The following LRRC51 variants were observed in gnomAD, a reference collection of about 807,000 sequenced individuals.
LRRC51 encodes leucine rich repeat containing 51, also known as leucine-rich repeat-containing protein 51.
Under a neutral mutation model 17.8 loss-of-function variants are expected in LRRC51, and 8 were observed. The observed-to-expected ratio is 0.45, with a 90% CI of 0.26 to 0.81. LRRC51 has a LOEUF of 0.81. LRRC51 is among the 30% of genes least tolerant of loss of function. The pLI is 0.17. For missense variants in LRRC51, 233 were observed against 239.3 expected, an observed-to-expected ratio of 0.97 and a Z score of 0.17; for synonymous variants, 92 against 96.0, an observed-to-expected ratio of 0.96 and a Z score of 0.24.
intron 3 of LRRC51, among the ~76,000 whole-genome samples, chr11:72,092,717 C>T (rs1301530712): frequency 6.6e-6 from 1 of 152,222 alleles, no homozygotes; most frequent in Non-Finnish European, 1.5e-5. Context: ...CCCAGACTCC[C>T]TGGCTGTTCT....
chr11:72,082,537 C>T (rs1366672742), intron 1 of LRRC51, among the ~76,000 whole-genome samples: 1 of 152,144 alleles, frequency 6.6e-6, no homozygotes, highest in African/African-American at 2.4e-5. Flanking sequence ...CAAAGGCAAC[C>T]CAAACTCTAC....
chr11:72,088,336 A>G lies in LRRC51; in HGVS notation c.-100A>G. The G allele has an allele frequency of 1.4e-6, 1 of 702,540 alleles. No individual in the cohort carries two copies. 43.5% of individuals were successfully genotyped at this position (702,540 alleles called of 1,614,324 possible). Reference sequence around the variant, plus strand: ...TTAACCGGAAACAATCCCTGAACCCACAGGAATGAATGCCTAATGGTGGAG... The same window carrying G: ...TTAACCGGAAACAATCCCTGAACCCGCAGGAATGAATGCCTAATGGTGGAG... On this transcript the variant is annotated 5_prime_UTR_variant, in exon 2 of 6. Transcript: ENST00000289488.
chr11:72,091,450 C>A (rs968549903), intron 3 of LRRC51, among the ~76,000 whole-genome samples: 2 of 152,022 alleles, frequency 1.3e-5, no homozygotes, highest in Non-Finnish European at 2.9e-5. Flanking sequence ...TGTTGCCTGA[C>A]CTGCATCTGA....
At chr11:72,094,666 A>G in intron 4 of LRRC51, 1 of 703,058 alleles carries the variant, frequency 1.4e-6, no homozygotes, top group South Asian at 1.5e-5. Context: ...AAAGGTCTTC[A>G]GTGAAGGGGC....
At chr11:72,089,983 G>A (rs957454360) in intron 3 of LRRC51, among the ~76,000 whole-genome samples, 1 of 152,204 alleles carries the variant, frequency 6.6e-6, no homozygotes, top group Admixed American at 6.5e-5. Flanking sequence ...CAGAATACAC[G>A]TTAACATCCA....
chr11:72,089,979 A>G (rs1187648666), intron 3 of LRRC51, among the ~76,000 whole-genome samples: 10 of 152,246 alleles, frequency 6.6e-5, no homozygotes, highest in Non-Finnish European at 1.2e-4. Flanking sequence ...CTCACAGAAT[A>G]CACGTTAACA....
chr11:72,095,440 GCAGAC>G lies in LRRC51; in HGVS notation c.501_505del (p.Asp168HisfsTer4). The stretch of plus-strand genomic sequence containing the variant: ...GTTCGACTTCAGTGGGGTCACCAAA[GCAGAC>G]CGCACCACAGCTGAAGTCTGGAAAC... On this transcript the variant is annotated frameshift_variant, in exon 6 of 6. Coordinates refer to ENST00000289488, the MANE Select transcript of LRRC51 (RefSeq NM_145309.6). LOFTEE classifies it high-confidence loss of function. 1.2e-6 allele frequency: 2 copies of G among 1,614,086 alleles called. No homozygotes were observed. Among genetic ancestry groups the G allele is most frequent in the South Asian group, 2.2e-5 (2 of 91,084 alleles).
At position 72,095,828 on chromosome 11, in the gene LRRC51, A is replaced by G. The variant is rs777015458; in HGVS notation, c.*308A>G. 2.3e-6 allele frequency: 1 copy of G among 431,434 alleles called. No homozygotes were observed. The highest frequency in any genetic ancestry group is 4.1e-6 in the Non-Finnish European group (1 of 243,142). 26.7% of individuals were successfully genotyped at this position (431,434 alleles called of 1,614,324 possible). Reference sequence around the variant, plus strand: ...GCTGTGATTAAAGGCGCCTGCCACCATGACTGGCTAATTTTGTTGTTGTTG... The same window carrying G: ...GCTGTGATTAAAGGCGCCTGCCACCGTGACTGGCTAATTTTGTTGTTGTTG... On this transcript the variant is annotated 3_prime_UTR_variant, in exon 6 of 6. Coordinates refer to ENST00000289488, the MANE Select transcript of LRRC51 (RefSeq NM_145309.6).
intron 5 of LRRC51, 23 bp downstream of exon 5, chr11:72,095,119 T>G (rs1945105407): frequency 6.2e-7 from 1 of 1,611,648 alleles, no homozygotes; most frequent in Non-Finnish European, 8.5e-7. Context: ...CCCCTGGAGG[T>G]AGCGTCTAGC....
In LRRC51 at chr11:72,095,042, G is replaced by GGCT. The variant is rs1555051043; in HGVS notation, c.384_386dup (p.Leu129dup). The GGCT allele has an allele frequency of 6.2e-7, 1 of 1,613,860 alleles. No individual in the cohort carries two copies. Among genetic ancestry groups the GGCT allele is most frequent in the South Asian group, 1.1e-5 (1 of 91,038 alleles). ...GTGAATAAGCTGGCTGTCCTTCCTCGGCTCCGTAGCCTGACACTCCATGGG... is the reference window on the plus strand; with the variant it reads ...GTGAATAAGCTGGCTGTCCTTCCTCGGCTGCTCCGTAGCCTGACACTCCATGGG... On this transcript the variant is annotated inframe_insertion, in exon 5 of 6. Transcript: ENST00000289488.
chr11:72,084,003 CTTCTTT>C (rs1944387972), intron 1 of LRRC51, among the ~76,000 whole-genome samples: 1 of 152,168 alleles, frequency 6.6e-6, no homozygotes, highest in Non-Finnish European at 1.5e-5. Flanking sequence ...GCAGATTTTT[CTTCTTT>C]TTCTTTTGAC....
intron 3 of LRRC51, among the ~76,000 whole-genome samples, chr11:72,090,979 T>C (rs1944823508): frequency 6.6e-6 from 1 of 152,228 alleles, no homozygotes; most frequent in Admixed American, 6.5e-5. Flanking sequence ...CATTGATATT[T>C]GTGGTCCAGC....
rs865854415 is a variant in LRRC51, at chr11:72,095,070, C to G, written c.411C>G (p.Asn137Lys). 3 of 1,613,896 alleles carry G rather than the reference C, an allele frequency of 1.9e-6. No homozygotes were observed. The highest frequency in any genetic ancestry group is 4.5e-5 in the East Asian group (2 of 44,860). ...PRLRSLTLHGNPMEEEKGYRQ... is the reference protein window; with the variant it reads ...PRLRSLTLHGKPMEEEKGYRQ... ...TCCGTAGCCTGACACTCCATGGGAACCCCATGGAGGAAGAGAAAGGGTATA... is the reference window on the plus strand; with the variant it reads ...TCCGTAGCCTGACACTCCATGGGAAGCCCATGGAGGAAGAGAAAGGGTATA... The change falls in exon 5 of 6, where the codon AAC (asparagine) becomes AAG (lysine). Residue 137 changes from asparagine (N) to lysine (K), a missense_variant. By Grantham distance (94) the Asn-to-Lys change is moderately conservative. Transcript: ENST00000289488.
chr11:72,093,460 C>T, intron 3 of LRRC51, 36 bp from the exon 4 acceptor site: 1 of 1,578,148 alleles, frequency 6.3e-7, no homozygotes, highest in Non-Finnish European at 8.6e-7. Flanking sequence ...GCCAAAAAAG[C>T]AAAGATGATA....
At chr11:72,084,220 A>T (rs565485455) in intron 1 of LRRC51, among the ~76,000 whole-genome samples, 1 of 152,206 alleles carries the variant, frequency 6.6e-6, no homozygotes, top group South Asian at 2.1e-4. Flanking sequence ...TCAGTCCATC[A>T]TCAGAAACTC....
Position 72,095,593 on chromosome 11 carries a change from G to A in LRRC51, c.*73G>A. 1 of 1,569,862 alleles carries A rather than the reference G, an allele frequency of 6.4e-7. No individual in the cohort carries two copies. Among genetic ancestry groups the A allele is most frequent in the South Asian group, 1.2e-5 (1 of 85,692 alleles). Reference sequence around the variant, plus strand: ...GGTTTGACAATAAATAATTTGAGCTGTTGAGCAGATGAGAAGTCACTTACA... The same window carrying A: ...GGTTTGACAATAAATAATTTGAGCTATTGAGCAGATGAGAAGTCACTTACA... On this transcript the variant is annotated 3_prime_UTR_variant, in exon 6 of 6. Coordinates refer to ENST00000289488, the MANE Select transcript of LRRC51 (RefSeq NM_145309.6).
At chr11:72,094,419 A>G (rs530958771) in intron 4 of LRRC51, 2 of 479,704 alleles carry the variant, frequency 4.2e-6, no homozygotes, top group African/African-American at 1.9e-5. Context: ...AGAGGTAGTC[A>G]ATAAAGTACA....
At chr11:72,094,839 A>G (rs1258915732) in intron 4 of LRRC51, 109 bp from the exon 5 acceptor site, 5 of 1,605,680 alleles carry the variant, frequency 3.1e-6, no homozygotes, top group Non-Finnish European at 4.3e-6. Flanking sequence ...GTTGGAGTGG[A>G]GGGCAGGTTG....
At chr11:72,086,212 C>T (rs1036025961) in intron 1 of LRRC51, 1 of 583,982 alleles carries the variant, frequency 1.7e-6, no homozygotes, top group African/African-American at 1.9e-5. Flanking sequence ...AGTGTTGAAA[C>T]ATGAGAGAGT....
Sources: gnomAD v4.1 joint callset for allele counts (sites outside exome capture counted in the v4.1 genomes callset) on GRCh38, gnomAD v4.1.1 for gene constraint, MANE v1.5 for transcripts, NCBI Gene and HGNC (gene_info 2026-07-23, HGNC 2026-07-21) for gene names.